SGPP1: variants seen among roughly 807,000 people sequenced by gnomAD.
SGPP1 encodes hSPP1.
Under a neutral mutation model 33.0 loss-of-function variants are expected in SGPP1, and 21 were observed. That is an observed-to-expected ratio of 0.64 (90% CI 0.45 to 0.92). The LOEUF (loss-of-function observed/expected upper bound fraction) is 0.92, where lower values mean the gene tolerates loss of function less well. Ranked by LOEUF, SGPP1 falls within the 40% of genes least tolerant of loss-of-function variation. The pLI is 0.00. For missense variants in SGPP1, 543 were observed against 589.4 expected (o/e 0.92, Z 0.81); for synonymous variants, 239 against 241.2 (o/e 0.99, Z 0.08).
rs1884967771 is a variant in SGPP1, at chr14:63,686,172, T to C, written c.1259A>G (p.Tyr420Cys). ...EVELPYRYIT[Y>C]GMVGFSITFF... ...TGTGATGGAGAAACCAACCATTCCA[T>C]AGGTAATATACCGATAAGGAAGTTC... is the stretch of plus-strand genomic sequence containing the variant. The change falls in exon 3 of 3, where the codon TAT becomes TGT. Residue 420 changes from tyrosine to cysteine, a missense_variant. Physicochemically the swap from Tyr to Cys is radical, Grantham distance 194. Transcript: ENST00000247225. The C allele has an allele frequency of 1.9e-6, 3 of 1,612,560 alleles. No homozygotes were observed. Among genetic ancestry groups the C allele is most frequent in the African/African-American group, 1.3e-5 (1 of 74,872 alleles).
intron 1 of SGPP1, among the ~76,000 whole-genome samples, chr14:63,722,735 G>T (rs1409162075): frequency 6.6e-6 from 1 of 151,944 alleles, no homozygotes; most frequent in Non-Finnish European, 1.5e-5. Flanking sequence ...GGAGGCCGAG[G>T]TGGGAGGATC....
chr14:63,712,400 C>A (rs1299519747), intron 1 of SGPP1, among the ~76,000 whole-genome samples: 4 of 152,142 alleles, frequency 2.6e-5, no homozygotes, highest in African/African-American at 9.7e-5. Context: ...TTGGACCCAG[C>A]AGTGTGGCCC....
intron 1 of SGPP1, among the ~76,000 whole-genome samples, chr14:63,724,307 A>G (rs945949396): frequency 6.6e-6 from 1 of 152,186 alleles, no homozygotes; most frequent in African/African-American, 2.4e-5. Context: ...GTAGTAGTGA[A>G]GTAGTAAAGC....
chr14:63,684,636 C>A lies in SGPP1; in HGVS notation c.*1469G>T, dbSNP rs559996674. ...ATCTGAAGTGATAGTTCTGGATAATCATACAGATATTGCACTAAAATCAGT... is the reference window on the plus strand; with the variant it reads ...ATCTGAAGTGATAGTTCTGGATAATAATACAGATATTGCACTAAAATCAGT... On this transcript the variant is annotated 3_prime_UTR_variant, in exon 3 of 3. Coordinates refer to ENST00000247225, the MANE Select transcript of SGPP1 (RefSeq NM_030791.4). 1.3e-5 allele frequency: 2 copies of A among 152,402 alleles called. No homozygotes were observed. Among genetic ancestry groups the A allele is most frequent in the Non-Finnish European group, 2.9e-5 (2 of 67,892 alleles). 9.4% of individuals were successfully genotyped at this position (152,402 alleles called of 1,614,324 possible). A position where few individuals can be genotyped will look rare whatever the true frequency, so the allele number is the denominator to read the frequency against.
At chr14:63,716,973 A>C (rs1885642641) in intron 1 of SGPP1, among the ~76,000 whole-genome samples, 1 of 152,144 alleles carries the variant, frequency 6.6e-6, no homozygotes, top group African/African-American at 2.4e-5. Context: ...GATTACAGGC[A>C]TGAACCACCG....
intron 1 of SGPP1, among the ~76,000 whole-genome samples, chr14:63,722,683 T>C (rs576727368): frequency 2.0e-5 from 3 of 152,040 alleles, no homozygotes; most frequent in Non-Finnish European, 2.9e-5. Context: ...AGCTAATTTT[T>C]AGCAGGGCAA....
Position 63,698,655 on chromosome 14 carries a change from G to C in SGPP1, c.688C>G (p.Pro230Ala). The C allele has an allele frequency of 6.5e-7, 1 of 1,544,340 alleles. No homozygotes were observed. The highest frequency in any genetic ancestry group is 8.7e-7 in the Non-Finnish European group (1 of 1,145,634). ...VLLTYGRWQY[P>A]LIYGLILIPC... ...ATAAGAATCAGTCCATATATAAGAG[G>C]GTACTAAAGGGGAAAAAAAGTAAAA... The change falls in exon 2 of 3, where the codon CCT (proline) becomes GCT (alanine). Residue 230 changes from proline to alanine, a missense_variant. Coordinates refer to ENST00000247225, the MANE Select transcript of SGPP1 (RefSeq NM_030791.4).
intron 2 of SGPP1, among the ~76,000 whole-genome samples, chr14:63,688,680 G>A (rs1309463910): frequency 6.6e-6 from 1 of 151,040 alleles, no homozygotes; most frequent in Admixed American, 6.6e-5. Context: ...CTTTTTTCAT[G>A]GATACTAGAG....
At chr14:63,714,207 T>C (rs768338684) in intron 1 of SGPP1, among the ~76,000 whole-genome samples, 2 of 152,202 alleles carry the variant, frequency 1.3e-5, no homozygotes, top group Non-Finnish European at 2.9e-5. Context: ...GATGTACATC[T>C]GCATTTGTGA....
intron 2 of SGPP1, among the ~76,000 whole-genome samples, chr14:63,691,150 T>C (rs1885087924): frequency 6.6e-6 from 1 of 152,228 alleles, no homozygotes; most frequent in Non-Finnish European, 1.5e-5. Flanking sequence ...TGATTCCTTT[T>C]ATAACAGGTC....
chr14:63,688,624 T>G (rs919042603), intron 2 of SGPP1, among the ~76,000 whole-genome samples: 7 of 152,120 alleles, frequency 4.6e-5, no homozygotes, highest in Non-Finnish European at 8.8e-5. Context: ...TGTCTCCACT[T>G]CCTCACCTCT....
chr14:63,686,807 A>G (rs181628292), intron 2 of SGPP1, 151 bp from the exon 3 acceptor site: 7 of 551,678 alleles, frequency 1.3e-5, no homozygotes, highest in East Asian at 6.0e-5. Flanking sequence ...AACTGACCAT[A>G]TAAGAGGCAC....
chr14:63,694,864 T>C (rs1885156709), intron 2 of SGPP1, among the ~76,000 whole-genome samples: 1 of 152,118 alleles, frequency 6.6e-6, no homozygotes, highest in Admixed American at 6.5e-5. Flanking sequence ...CACATCTAAA[T>C]GGAATACTCC....
chr14:63,692,258 A>G (rs1430205834), intron 2 of SGPP1, among the ~76,000 whole-genome samples: 4 of 152,276 alleles, frequency 2.6e-5, no homozygotes, highest in African/African-American at 4.8e-5. Flanking sequence ...TTCCCTTTCA[A>G]AAGTGTGCAA....
At chr14:63,715,573 T>C (rs1389744458) in intron 1 of SGPP1, among the ~76,000 whole-genome samples, 1 of 152,134 alleles carries the variant, frequency 6.6e-6, no homozygotes. Flanking sequence ...TGCATTATCC[T>C]GCTGCTAGAG....
intron 1 of SGPP1, among the ~76,000 whole-genome samples, chr14:63,700,697 CAT>C (rs1394930592): frequency 1.3e-5 from 2 of 152,024 alleles, no homozygotes; most frequent in Admixed American, 1.3e-4. Flanking sequence ...AAAAAGAGAA[CAT>C]GTGTTGAAGA....
At chr14:63,704,994 A>T (rs1474113492) in intron 1 of SGPP1, among the ~76,000 whole-genome samples, 1 of 151,692 alleles carries the variant, frequency 6.6e-6, no homozygotes, top group Non-Finnish European at 1.5e-5. Flanking sequence ...AGGCATGGTG[A>T]TGTGTGCCTG....
intron 1 of SGPP1, 129 bp from the exon 2 acceptor site, chr14:63,698,787 G>C (rs1384838890): frequency 2.2e-6 from 1 of 459,782 alleles, no homozygotes; most frequent in Non-Finnish European, 3.9e-6. Context: ...ACTCCCCATT[G>C]TATTTCCAGC....
At chr14:63,704,686 TAAAG>T (rs1334311762) in intron 1 of SGPP1, among the ~76,000 whole-genome samples, 1 of 151,966 alleles carries the variant, frequency 6.6e-6, no homozygotes, top group Non-Finnish European at 1.5e-5. Context: ...CCTGTCTCAA[TAAAG>T]AAAGAAAATC....
Sources: gnomAD v4.1 joint callset for allele counts (sites outside exome capture counted in the v4.1 genomes callset) on GRCh38, gnomAD v4.1.1 for gene constraint, MANE v1.5 for transcripts, NCBI Gene and HGNC (gene_info 2026-07-23, HGNC 2026-07-21) for gene names.